Variants in MROH2B observed in about 807,000 individuals in gnomAD.
MROH2B encodes maestro heat-like repeat-containing protein family member 2B.
In MROH2B, 177 loss-of-function variants were observed where a neutral mutation model predicts 208.6. The ratio of observed to expected loss-of-function variants is 0.85; its 90% CI spans 0.75 to 0.96. MROH2B has a LOEUF of 0.96. MROH2B is among the 40% of genes least tolerant of loss of function. The pLI, the probability that MROH2B is intolerant of heterozygous loss-of-function variation, is 0.00. For synonymous variants in MROH2B, 728 were observed against 659.0 expected, an observed-to-expected ratio of 1.10 and a Z score of -1.60; for missense variants, 2,002 against 1,878.7, an observed-to-expected ratio of 1.07 and a Z score of -1.21.
chr5:41,000,955 G>T, intron 37 of MROH2B, 122 bp from the exon 38 acceptor site: 1 of 1,069,206 alleles, frequency 9.4e-7, no homozygotes, highest in Admixed American at 2.9e-5. Flanking sequence ...CCAGGCACTT[G>T]TCCATCATAG....
chr5:41,020,572 C>A (rs1579918164), intron 24 of MROH2B, among the ~76,000 whole-genome samples: 1 of 152,142 alleles, frequency 6.6e-6, no homozygotes, highest in African/African-American at 2.4e-5. Context: ...AGTTCACTGA[C>A]TGATATGACA....
intron 10 of MROH2B, 99 bp downstream of exon 10, chr5:41,055,643 A>G: frequency 1.3e-6 from 1 of 793,700 alleles, no homozygotes; most frequent in Non-Finnish European, 2.1e-6. Flanking sequence ...GATGTTATAT[A>G]AGCATCCAAA....
At chr5:41,049,205 T>C in intron 14 of MROH2B, 64 bp from the exon 15 acceptor site, 1 of 1,607,670 alleles carries the variant, frequency 6.2e-7, no homozygotes, top group Non-Finnish European at 8.5e-7. Context: ...GGGTTTAAGG[T>C]CAAAGCACTG....
chr5:41,031,721 A>ACTATACATAGAAAAGTGTTTTTTTT, intron 24 of MROH2B, among the ~76,000 whole-genome samples: 1 of 151,914 alleles, frequency 6.6e-6, no homozygotes, highest in African/African-American at 2.4e-5. Flanking sequence ...TAGTTTTTAA[A>ACTATACATAGAAAAGTGTTTTTTTT]TTCTCACCCT....
chr5:41,061,425 G>T, intron 6 of MROH2B, 145 bp downstream of exon 6: 2 of 700,376 alleles, frequency 2.9e-6, no homozygotes, highest in Non-Finnish European at 2.1e-6. Context: ...AAATAGGTGG[G>T]AAAAAAGAAA....
chr5:40,999,563 A>C, intron 40 of MROH2B, 114 bp downstream of exon 40: 1 of 720,302 alleles, frequency 1.4e-6, no homozygotes, highest in Non-Finnish European at 2.2e-6. Context: ...TCTGGGCTTT[A>C]ATAAAAAAGT....
chr5:41,013,573 T>C (rs1385969394), intron 29 of MROH2B, among the ~76,000 whole-genome samples: 1 of 152,230 alleles, frequency 6.6e-6, no homozygotes, highest in Non-Finnish European at 1.5e-5. Context: ...TGAGAAAATA[T>C]GAACTCCTTT....
chr5:41,061,644 G>C lies in MROH2B; in HGVS notation c.541C>G (p.Arg181Gly). Residue 181 changes from arginine to glycine, a missense_variant, in exon 6 of 42, where the codon CGA becomes GGA. Transcript: ENST00000399564. ...AGCATGAAGATCTTGTCAGACAGTC[G>C]GTTGGCATCCAGTCTGGGGTAGGGA... The part of the protein sequence containing the change: ...DFPYPRLDAN[R>G]LSDKIFMLFW... The C allele has an allele frequency of 6.2e-7, 1 of 1,613,864 alleles. No individual in the cohort carries two copies. The highest frequency in any genetic ancestry group is 1.1e-5 in the South Asian group (1 of 91,072).
At chr5:41,055,901 G>C in intron 9 of MROH2B, 46 bp from the exon 10 acceptor site, 1 of 1,357,680 alleles carries the variant, frequency 7.4e-7, no homozygotes, top group Non-Finnish European at 1.1e-6. Context: ...TTTCATCCTA[G>C]GTAAAATACT....
intron 6 of MROH2B, among the ~76,000 whole-genome samples, chr5:41,059,390 T>C (rs759879721): frequency 6.6e-6 from 1 of 151,276 alleles, no homozygotes; most frequent in Non-Finnish European, 1.5e-5. Context: ...ATTTTTTATT[T>C]GACTTATTTC....
intron 24 of MROH2B, among the ~76,000 whole-genome samples, chr5:41,021,908 C>T (rs1742162743): frequency 6.6e-6 from 1 of 151,946 alleles, no homozygotes; most frequent in African/African-American, 2.4e-5. Flanking sequence ...GACATATAAG[C>T]CCATGGAATA....
chr5:41,061,432 G>GA (rs1020604638), intron 6 of MROH2B, 138 bp downstream of exon 6: 118 of 763,642 alleles, frequency 1.5e-4, no homozygotes, highest in Middle Eastern at 4.3e-4. Context: ...TGGGAAAAAA[G>GA]AAAAAATTGA....
At chr5:41,057,437 G>A (rs1461757675) in intron 7 of MROH2B, 77 bp from the exon 8 acceptor site, 12 of 1,132,202 alleles carry the variant, frequency 1.1e-5, no homozygotes, top group Middle Eastern at 4.0e-4. Context: ...GCAAATAATT[G>A]TGTTTTGAGA....
At chr5:41,009,526 A>T in intron 31 of MROH2B, 120 bp from the exon 32 acceptor site, 1 of 1,216,366 alleles carries the variant, frequency 8.2e-7, no homozygotes, top group Non-Finnish European at 1.1e-6. Context: ...GCAGATGGAC[A>T]TGCTGCCATG....
Position 41,029,080 on chromosome 5 carries a change from C to T in MROH2B, c.2441+3662G>A, listed in dbSNP as rs140442885. Among the ~76,000 whole-genome samples, 621 of 152,218 alleles carry T rather than the reference C, an allele frequency of 4.1e-3. 5 individuals carry two copies. Among genetic ancestry groups the T allele is most frequent in the African/African-American group, 0.014 (588 of 41,552 alleles). Reference sequence around the variant, plus strand: ...TTTCCATAATGGATGCACCAATTTACGTTCCCACCAACAGTGTACAAGGGT... The same window carrying T: ...TTTCCATAATGGATGCACCAATTTATGTTCCCACCAACAGTGTACAAGGGT... On this transcript the variant is annotated intron_variant, in intron 24 of 41. Coordinates refer to ENST00000399564, the MANE Select transcript of MROH2B (RefSeq NM_173489.5).
intron 2 of MROH2B, among the ~76,000 whole-genome samples, chr5:41,068,982 A>G (rs1414800671): frequency 6.6e-6 from 1 of 152,214 alleles, no homozygotes; most frequent in Non-Finnish European, 1.5e-5. Flanking sequence ...AGGTATAGGC[A>G]CTGCCCTTCA....
intron 4 of MROH2B, among the ~76,000 whole-genome samples, chr5:41,065,098 G>A (rs1278102724): frequency 6.6e-6 from 1 of 152,224 alleles, no homozygotes; most frequent in South Asian, 2.1e-4. Context: ...AAAGCTGGAT[G>A]AAGGGGAAGG....
intron 21 of MROH2B, among the ~76,000 whole-genome samples, chr5:41,034,984 G>T (rs1360183834): frequency 6.6e-6 from 1 of 152,102 alleles, no homozygotes; most frequent in Non-Finnish European, 1.5e-5. Flanking sequence ...CATGCTCACA[G>T]ATAGGAAGAA....
chr5:41,031,108 A>G (rs546822809), intron 24 of MROH2B, among the ~76,000 whole-genome samples: 1 of 152,232 alleles, frequency 6.6e-6, no homozygotes, highest in East Asian at 1.9e-4. Flanking sequence ...TCACAGAGCT[A>G]TAAAGAAATA....
Sources: allele counts gnomAD v4.1 joint callset (sites outside exome capture counted in the v4.1 genomes callset), GRCh38; gene constraint gnomAD v4.1.1; transcripts MANE v1.5; gene names NCBI Gene and HGNC (gene_info 2026-07-23, HGNC 2026-07-21).